The following LARGE1 variants were observed in gnomAD, a reference collection of about 807,000 sequenced individuals.
LARGE1 encodes LARGE xylosyl- and glucuronyltransferase 1.
LARGE1 carries 43 observed loss-of-function variants against 87.6 expected under a neutral mutation model. The ratio of observed to expected loss-of-function variants is 0.49; its 90% CI spans 0.38 to 0.63. The LOEUF (loss-of-function observed/expected upper bound fraction) is 0.63, where lower values mean the gene tolerates loss of function less well. LARGE1 is among the 30% of genes least tolerant of loss of function. The pLI, the probability that LARGE1 is intolerant of heterozygous loss-of-function variation, is 0.00. For missense variants in LARGE1, 802 were observed against 1,000.2 expected (o/e 0.80, Z 2.67); for synonymous variants, 434 against 394.6 (o/e 1.10, Z -1.18).
At chr22:33,907,843 C>T (rs1414127320) in intron 1 of LARGE1, among the ~76,000 whole-genome samples, 27 of 152,124 alleles carry the variant, frequency 1.8e-4, no homozygotes, top group Non-Finnish European at 3.2e-4. Context: ...GTGATCCACC[C>T]GCCTCGGCCT....
intron 6 of LARGE1, among the ~76,000 whole-genome samples, chr22:33,442,958 A>AT (rs1247055973): frequency 4.6e-5 from 7 of 151,924 alleles, no homozygotes; most frequent in Admixed American, 2.6e-4. Flanking sequence ...CATCCGGCTA[A>AT]TTTTTTGTAT....
chr22:33,499,771 AT>A (rs1207622492), intron 6 of LARGE1, among the ~76,000 whole-genome samples: 3 of 152,116 alleles, frequency 2.0e-5, no homozygotes, highest in African/African-American at 7.2e-5. Context: ...AAGATAAAAC[AT>A]GTAAATTTTT....
chr22:33,301,108 A>C (rs992850302), intron 12 of LARGE1, among the ~76,000 whole-genome samples: 2 of 151,772 alleles, frequency 1.3e-5, no homozygotes, highest in African/African-American at 2.4e-5. Context: ...CTTAACCTCA[A>C]CTCCCACCAG....
At chr22:33,811,150 G>A (rs2086482134) in intron 1 of LARGE1, among the ~76,000 whole-genome samples, 1 of 152,148 alleles carries the variant, frequency 6.6e-6, no homozygotes, top group Admixed American at 6.5e-5. Flanking sequence ...TAACCCTGCA[G>A]TCTGCTCCTC....
At chr22:33,758,528 T>C (rs976965150) in intron 2 of LARGE1, among the ~76,000 whole-genome samples, 1 of 152,210 alleles carries the variant, frequency 6.6e-6, no homozygotes, top group Non-Finnish European at 1.5e-5. Context: ...GTGGGGTTCA[T>C]TCTAAAGGAT....
intron 12 of LARGE1, among the ~76,000 whole-genome samples, chr22:33,291,754 G>T (rs868373588): frequency 6.6e-6 from 1 of 150,388 alleles, no homozygotes; most frequent in Non-Finnish European, 1.5e-5. Flanking sequence ...CTTCTTCCAC[G>T]TGAGAACATG....
intron 2 of LARGE1, among the ~76,000 whole-genome samples, chr22:33,672,412 C>T (rs1444665969): frequency 6.6e-6 from 1 of 152,134 alleles, no homozygotes; most frequent in Non-Finnish European, 1.5e-5. Context: ...CACTTCCTTC[C>T]TAGGGAAGAG....
intron 1 of LARGE1, among the ~76,000 whole-genome samples, chr22:33,827,798 G>A (rs1474266551): frequency 6.6e-6 from 1 of 152,166 alleles, no homozygotes; most frequent in Admixed American, 6.5e-5. Flanking sequence ...GTCACCTGGA[G>A]AGCTTTGTTC....
intron 11 of LARGE1, among the ~76,000 whole-genome samples, chr22:33,174,669 G>T (rs1010420878): frequency 6.6e-6 from 1 of 152,024 alleles, no homozygotes; most frequent in Admixed American, 6.6e-5. Context: ...TATCACCACG[G>T]ATCCCATAGA....
At chr22:33,297,370 A>G (rs980804710) in intron 12 of LARGE1, among the ~76,000 whole-genome samples, 4 of 152,160 alleles carry the variant, frequency 2.6e-5, no homozygotes, top group Non-Finnish European at 5.9e-5. Flanking sequence ...GCACTTTGAG[A>G]GGCAGAGATG....
chr22:33,883,521 T>TA (rs1168468090), intron 1 of LARGE1, among the ~76,000 whole-genome samples: 2 of 152,218 alleles, frequency 1.3e-5, no homozygotes, highest in African/African-American at 4.8e-5. Flanking sequence ...GTGATCCTGA[T>TA]AAACATGAAT....
Position 33,381,915 on chromosome 22 carries a change from C to T in LARGE1, c.1131+4G>A, listed in dbSNP as rs2065171743. 6.2e-7 allele frequency: 1 copy of T among 1,614,036 alleles called. No homozygotes were observed. On this transcript the variant is annotated splice_donor_region_variant and intron_variant, in intron 9 of 14. Coordinates refer to ENST00000397394, the MANE Select transcript of LARGE1 (RefSeq NM_133642.5). The stretch of plus-strand genomic sequence containing the variant: ...CTCCAGGGATGTCCCTGTGTTGACC[C>T]TACCTTTAGATCAGACACGTCTCTG...
intron 7 of LARGE1, among the ~76,000 whole-genome samples, chr22:33,416,684 A>G (rs1601763888): frequency 6.6e-6 from 1 of 151,196 alleles, no homozygotes; most frequent in South Asian, 2.1e-4. Flanking sequence ...GCTCACTGCA[A>G]CCTCCAACTC....
intron 2 of LARGE1, among the ~76,000 whole-genome samples, chr22:33,661,217 A>ATTTT (rs11356402): frequency 9.1e-5 from 13 of 142,082 alleles, no homozygotes; most frequent in African/African-American, 2.6e-4. Flanking sequence ...AGGTTCTATG[A>ATTTT]TTTTTTTTTT....
At chr22:33,676,231 T>C (rs570240287) in intron 2 of LARGE1, among the ~76,000 whole-genome samples, 3 of 152,000 alleles carry the variant, frequency 2.0e-5, no homozygotes, top group South Asian at 2.1e-4. Flanking sequence ...ATTCTGGAGA[T>C]GAAACTGGAC....
chr22:33,882,045 G>GT (rs3216428), intron 1 of LARGE1, among the ~76,000 whole-genome samples: 11,136 of 130,598 alleles, frequency 0.085, 649 homozygotes, highest in African/African-American at 0.19. Flanking sequence ...GTTTTTTTTT[G>GT]TTTTTTTTTT....
chr22:33,873,028 A>C (rs2064346846), intron 1 of LARGE1: 1 of 152,168 alleles, frequency 6.6e-6, no homozygotes, highest in Admixed American at 6.5e-5. Flanking sequence ...AAGCCATGGA[A>C]GTGAACTAGC....
chr22:33,503,998 T>G (rs530177327), intron 6 of LARGE1, among the ~76,000 whole-genome samples: 2 of 152,268 alleles, frequency 1.3e-5, no homozygotes, highest in East Asian at 3.9e-4. Flanking sequence ...AATGTCATGC[T>G]AAGTCAAAGA....
intron 6 of LARGE1, among the ~76,000 whole-genome samples, chr22:33,498,991 T>C (rs1449841132): frequency 6.6e-6 from 1 of 151,554 alleles, no homozygotes; most frequent in African/African-American, 2.4e-5. Context: ...AATACATAAA[T>C]AAACAAAAAA....
Sources: allele counts gnomAD v4.1 joint callset (sites outside exome capture counted in the v4.1 genomes callset), GRCh38; gene constraint gnomAD v4.1.1; transcripts MANE v1.5; gene names NCBI Gene and HGNC (gene_info 2026-07-23, HGNC 2026-07-21).